Variants in MIER2 observed in about 807,000 individuals in gnomAD.
The protein encoded by MIER2 is mesoderm induction early response protein 2.
A neutral mutation model predicts 67.6 loss-of-function variants in MIER2; 30 were observed. The observed-to-expected ratio is 0.44, with a 90% CI of 0.33 to 0.60. MIER2 has a LOEUF of 0.60. Among genes scored for constraint, MIER2 ranks in the 20% least tolerant of loss-of-function variants. The pLI, the probability that MIER2 is intolerant of heterozygous loss-of-function variation, is 0.02. For missense variants in MIER2, 702 were observed against 745.1 expected (o/e 0.94, Z 0.67); for synonymous variants, 372 against 312.6 (o/e 1.19, Z -2.00).
At chr19:337,171 C>G (rs898779473) in intron 1 of MIER2, among the ~76,000 whole-genome samples, 4 of 152,016 alleles carry the variant, frequency 2.6e-5, no homozygotes, top group African/African-American at 9.7e-5. Context: ...AAACACAAAA[C>G]CCTCAACAAA....
rs1358482662 is a variant in MIER2, at chr19:334,473, CT to C, written c.169del (p.Arg57GlyfsTer63). On this transcript the variant is annotated frameshift_variant, in exon 3 of 14. Transcript: ENST00000264819. LOFTEE classifies it high-confidence loss of function. ...AEILSQNYSVRGECEEASRCP... is the reference protein window; with the variant it reads ...AEILSQNYSVXGECEEASRCP... ...CCTCGAGGCCTCCTCGCACTCCCCC[CT>C]AACACTGTAGTTCTGTGACAGGATC... 5 of 1,614,058 alleles carry C rather than the reference CT, an allele frequency of 3.1e-6. No individual in the cohort carries two copies. The highest frequency in any genetic ancestry group is 1.3e-5 in the African/African-American group (1 of 74,928).
In MIER2 at chr19:306,371, G is replaced by C; in HGVS notation, c.*319C>G. 2.0e-6 allele frequency: 1 copy of C among 506,490 alleles called. No individual in the cohort carries two copies. The highest frequency in any genetic ancestry group is 3.5e-6 in the Non-Finnish European group (1 of 282,040). 31.4% of individuals were successfully genotyped at this position (506,490 alleles called of 1,614,324 possible). On this transcript the variant is annotated 3_prime_UTR_variant, in exon 14 of 14. Coordinates refer to ENST00000264819, the MANE Select transcript of MIER2 (RefSeq NM_017550.3). ...CTGGCTGGAAGGGACTAGGTGGCCG[G>C]CTCTGCCCTGCGTCCCAACGGCGGG...
chr19:320,954 G>C (rs947709659), intron 7 of MIER2, among the ~76,000 whole-genome samples: 1 of 152,152 alleles, frequency 6.6e-6, no homozygotes, highest in Non-Finnish European at 1.5e-5. Flanking sequence ...CAGAACGTCG[G>C]CACTACATTT....
chr19:342,016 T>C lies in MIER2; in HGVS notation c.9+2758A>G, dbSNP rs536526589. Among the ~76,000 whole-genome samples the C allele has an allele frequency of 7.2e-5, 11 of 151,958 alleles. No individual in the cohort carries two copies. The East Asian group carries it at 1.2e-3, about 16-fold the overall frequency. On this transcript the variant is annotated intron_variant, in intron 1 of 13. Coordinates refer to ENST00000264819, the MANE Select transcript of MIER2 (RefSeq NM_017550.3). ...TAACCCAAAATGACAGGGTGGCAGGTTCCATTCGCCAAGATGGCTGCACCT... is the reference window on the plus strand; with the variant it reads ...TAACCCAAAATGACAGGGTGGCAGGCTCCATTCGCCAAGATGGCTGCACCT...
At chr19:321,693 T>C (rs1971509913) in intron 7 of MIER2, among the ~76,000 whole-genome samples, 1 of 151,934 alleles carries the variant, frequency 6.6e-6, no homozygotes, top group African/African-American at 2.4e-5. Flanking sequence ...TAAGTTTTAA[T>C]CTTAAAACTT....
Position 311,086 on chromosome 19 carries a change from T to C in MIER2, c.984+759A>G, listed in dbSNP as rs536302872. Among the ~76,000 whole-genome samples, 22 of 152,346 alleles carry C rather than the reference T, an allele frequency of 1.4e-4. 1 individual carries two copies. Among genetic ancestry groups the C allele is most frequent in the Admixed American group, 8.5e-4 (13 of 15,304 alleles). On this transcript the variant is annotated intron_variant, in intron 10 of 13. Transcript: ENST00000264819. ...GTGCCTCCTCACCCAAGCCCTTCAG[T>C]GGACGACATCGGGCCCCAAATGGAG...
intron 12 of MIER2, 84 bp from the exon 13 acceptor site, chr19:307,620 A>G: frequency 1.5e-6 from 2 of 1,372,514 alleles, no homozygotes; most frequent in South Asian, 1.7e-5. Flanking sequence ...TGCTGGGTCC[A>G]GCAAAGCCTG....
intron 7 of MIER2, among the ~76,000 whole-genome samples, chr19:324,810 A>G (rs760081464): frequency 6.6e-6 from 1 of 152,206 alleles, no homozygotes; most frequent in Non-Finnish European, 1.5e-5. Context: ...AAGGGCCCTG[A>G]TGACAGACTC....
In MIER2 at chr19:343,100, A is replaced by T. The variant is rs556179519; in HGVS notation, c.9+1674T>A. ...CAGAGCGGGACCTCCTTAGAAAATCAAATCAAATTCACTCAACAGGGCACC... is the reference window on the plus strand; with the variant it reads ...CAGAGCGGGACCTCCTTAGAAAATCTAATCAAATTCACTCAACAGGGCACC... On this transcript the variant is annotated intron_variant, in intron 1 of 13. Transcript: ENST00000264819. Among the ~76,000 whole-genome samples, 7 of 152,278 alleles carry T rather than the reference A, an allele frequency of 4.6e-5. No homozygotes were observed. In the East Asian group the frequency reaches 1.4e-3, roughly 29 times the overall value.
intron 1 of MIER2, among the ~76,000 whole-genome samples, chr19:341,288 A>G (rs8100798): frequency 0.13 from 19,801 of 151,766 alleles, 1,711 homozygotes; most frequent in African/African-American, 0.23. Context: ...GCAAGTTGAC[A>G]ACAGTCCCGC....
chr19:336,303 C>G, intron 1 of MIER2, 130 bp from the exon 2 acceptor site: 1 of 714,064 alleles, frequency 1.4e-6, no homozygotes, highest in Non-Finnish European at 2.3e-6. Flanking sequence ...GCTTTGTCTC[C>G]GCCTCTGAGG....
chr19:323,651 C>T (rs1381786877), intron 7 of MIER2, among the ~76,000 whole-genome samples: 4 of 150,252 alleles, frequency 2.7e-5, no homozygotes, highest in Non-Finnish European at 5.9e-5. Flanking sequence ...ATGGAACACA[C>T]AAGACTCAAA....
chr19:336,560 C>T (rs1204238155), intron 1 of MIER2, among the ~76,000 whole-genome samples: 1 of 152,196 alleles, frequency 6.6e-6, no homozygotes, highest in African/African-American at 2.4e-5. Context: ...TGATACCAAA[C>T]ATCCAGAACA....
Position 307,137 on chromosome 19 carries a change from T to C in MIER2, c.1598A>G (p.His533Arg). 1 of 1,584,716 alleles carries C rather than the reference T, an allele frequency of 6.3e-7. No homozygotes were observed. Among genetic ancestry groups the C allele is most frequent in the Non-Finnish European group, 8.6e-7 (1 of 1,165,822 alleles). The change falls in exon 13 of 14, where the codon CAC (histidine) becomes CGC (arginine). Residue 533 changes from histidine to arginine, a missense_variant. Physicochemically the swap from His to Arg is conservative, Grantham distance 29 (BLOSUM62 0). Around this residue, in one of 3 missense-constraint regions of MIER2, gnomAD observed 254 missense variants for 262.8 expected, o/e 0.97. Coordinates refer to ENST00000264819, the MANE Select transcript of MIER2 (RefSeq NM_017550.3). The part of the protein sequence containing the change: ...AHPTCPAPGL[H>R]SEPLSHCNVM... ...CACTCACTGTGACAGGGGCTCCGAG[T>C]GTAGCCCGGGGGCCGGGCACGTGGG...
At chr19:316,026 G>A (rs996787433) in intron 7 of MIER2, among the ~76,000 whole-genome samples, 4 of 152,206 alleles carry the variant, frequency 2.6e-5, no homozygotes, top group African/African-American at 4.8e-5. Context: ...CAGCCAAAAC[G>A]CAATGGAGTG....
chr19:306,476 C>T lies in MIER2; in HGVS notation c.*214G>A, dbSNP rs930406561. On this transcript the variant is annotated 3_prime_UTR_variant, in exon 14 of 14. Coordinates refer to ENST00000264819, the MANE Select transcript of MIER2 (RefSeq NM_017550.3). ...CCCGGGTGGCAGTGCCGGGCGCTGA[C>T]GGCGCTGGGTGGGGCCGTGGGTCCA... 100 of 670,794 alleles carry T rather than the reference C, an allele frequency of 1.5e-4. 3 individuals carry two copies. In the Admixed American group the frequency reaches 2.6e-3, roughly 18 times the overall value. 41.6% of individuals were successfully genotyped at this position (670,794 alleles called of 1,614,324 possible).
rs1971764785 is a variant in MIER2, at chr19:326,610, CAG to C, written c.494-14_494-13del. ...AGCCAGGAAACGAGCTTTGGGAAAA[CAG>C]AGGCAGGTCCCCCAGGGTCTCCACT... On this transcript the variant is annotated splice_polypyrimidine_tract_variant and intron_variant, in intron 5 of 13. Coordinates refer to ENST00000264819, the MANE Select transcript of MIER2 (RefSeq NM_017550.3). The C allele has an allele frequency of 6.2e-7, 1 of 1,612,364 alleles. No homozygotes were observed. Among genetic ancestry groups the C allele is most frequent in the Non-Finnish European group, 8.5e-7 (1 of 1,178,438 alleles).
chr19:307,107 G>T lies in MIER2; in HGVS notation c.1616+12C>A. 2.5e-6 allele frequency: 4 copies of T among 1,574,448 alleles called. No individual in the cohort carries two copies. Among genetic ancestry groups the T allele is most frequent in the Non-Finnish European group, 3.4e-6 (4 of 1,159,916 alleles). ...AGTGTTGCGGAGGCTCCGGGCATGG[G>T]GTGGCACTCACTGTGACAGGGGCTC... On this transcript the variant is annotated intron_variant, in intron 13 of 13. Transcript: ENST00000264819.
intron 2 of MIER2, among the ~76,000 whole-genome samples, 191 bp from the exon 3 acceptor site, chr19:334,733 T>C (rs1433310299): frequency 2.0e-5 from 3 of 152,184 alleles, no homozygotes; most frequent in African/African-American, 7.2e-5. Context: ...GAGCTGCACA[T>C]ACAAATTCCA....
Sources: allele counts gnomAD v4.1 joint callset (sites outside exome capture counted in the v4.1 genomes callset), GRCh38; gene constraint gnomAD v4.1.1; regional missense constraint gnomAD v4.1.1; transcripts MANE v1.5; gene names NCBI Gene and HGNC (gene_info 2026-07-23, HGNC 2026-07-21).